GPAT2: variants seen among roughly 807,000 people sequenced by gnomAD.
The protein encoded by GPAT2 is glycerol-3-phosphate acyltransferase 2, mitochondrial.
A neutral mutation model predicts 71.0 loss-of-function variants in GPAT2; 51 were observed. That is an observed-to-expected ratio of 0.72 (90% confidence interval 0.57 to 0.91). GPAT2 has a LOEUF of 0.91. Ranked by LOEUF, GPAT2 falls within the 40% of genes least tolerant of loss-of-function variation. The pLI is 0.00. For missense variants in GPAT2, 511 were observed against 666.0 expected (o/e 0.77, Z 2.56); for synonymous variants, 222 against 290.3 (o/e 0.76, Z 2.39).
intron 20 of GPAT2, 35 bp downstream of exon 20, chr2:96,022,923 C>T (rs1679850465): frequency 6.2e-7 from 1 of 1,613,440 alleles, no homozygotes; most frequent in African/African-American, 1.3e-5. Context: ...AACACCACTG[C>T]CTGCAGGAGC....
chr2:96,025,653 G>T, intron 12 of GPAT2, 50 bp from the exon 13 acceptor site: 1 of 1,396,274 alleles, frequency 7.2e-7, no homozygotes. Flanking sequence ...CACAAAAACA[G>T]CTGTGGGAAT....
In GPAT2 at chr2:96,023,374, G is replaced by T. The variant is rs1474083273; in HGVS notation, c.1981C>A (p.Pro661Thr). 1 of 1,614,078 alleles carries T rather than the reference G, an allele frequency of 6.2e-7. No homozygotes were observed. Among genetic ancestry groups the T allele is most frequent in the African/African-American group, 1.3e-5 (1 of 74,942 alleles). The part of the protein sequence containing the change: ...QRLSRKLLWK[P>T]SGDFTDSDSD... The stretch of plus-strand genomic sequence containing the variant: ...TCACTATCAGTAAAGTCCCCACTCG[G>T]TTTCCACAGCAGCTTTCTGCTCAAT... Residue 661 changes from proline to threonine, a missense_variant, in exon 18 of 22, where the codon CCG (proline) becomes ACG (threonine). Transcript: ENST00000434632.
intron 21 of GPAT2, 127 bp downstream of exon 21, chr2:96,022,541 C>G (rs2104590517): frequency 1.9e-6 from 2 of 1,035,940 alleles, no homozygotes; most frequent in Non-Finnish European, 3.0e-6. Context: ...CAAGTAAATC[C>G]CAGGGTCTTA....
intron 11 of GPAT2, 78 bp downstream of exon 11, chr2:96,026,105 G>A: frequency 2.5e-6 from 4 of 1,571,688 alleles, no homozygotes; most frequent in Non-Finnish European, 3.5e-6. Context: ...TCCCTGCAGT[G>A]GCTTTGAGGG....
intron 20 of GPAT2, 102 bp from the exon 21 acceptor site, chr2:96,022,825 G>T (rs1679836838): frequency 1.2e-6 from 2 of 1,613,120 alleles, no homozygotes; most frequent in Non-Finnish European, 1.7e-6. Flanking sequence ...GAGGGATAGA[G>T]CTCTGACTGG....
chr2:96,022,112 T>C lies in GPAT2; in HGVS notation c.*47A>G. On this transcript the variant is annotated 3_prime_UTR_variant, in exon 22 of 22. Transcript: ENST00000434632. ...CCATCTTCTGGCTCTAGGACACAGC[T>C]GTGTTCTGGGGCTGAGAAGTCTCAG... 6.3e-7 allele frequency: 1 copy of C among 1,599,438 alleles called. No homozygotes were observed. Among genetic ancestry groups the C allele is most frequent in the East Asian group, 2.2e-5 (1 of 44,758 alleles).
In GPAT2 at chr2:96,023,304, C is replaced by T. The variant is rs750691037; in HGVS notation, c.2046+5G>A. 7 of 1,614,174 alleles carry T rather than the reference C, an allele frequency of 4.3e-6. No individual in the cohort carries two copies. ...TCCCTCCAGGGGCAGCTTTTTGAAA[C>T]ACACCCTGAAGTACCGGCCGTCAGC... On this transcript the variant is annotated splice_donor_5th_base_variant and intron_variant, in intron 18 of 21. Coordinates refer to ENST00000434632, the MANE Select transcript of GPAT2 (RefSeq NM_001321527.2).
Position 96,026,074 on chromosome 2 carries a change from C to T in GPAT2, c.1156-62G>A, listed in dbSNP as rs529741585. 2.3e-5 allele frequency: 36 copies of T among 1,592,626 alleles called. No homozygotes were observed. In the African/African-American group the frequency reaches 4.6e-4, roughly 20 times the overall value. On this transcript the variant is annotated intron_variant, in intron 11 of 21. Transcript: ENST00000434632. The stretch of plus-strand genomic sequence containing the variant: ...CCCACCAGGAAACTTGCACACAGCC[C>T]ACTGGAAGTAGGCAAAGCTATCCCT...
Position 96,024,821 on chromosome 2 carries a change from C to G in GPAT2, c.1380G>C (p.Val460=), listed in dbSNP as rs1372981676. Residue 460 remains valine (V), a synonymous_variant, in exon 14 of 22, where the codon GTG becomes GTC. Coordinates refer to ENST00000434632, the MANE Select transcript of GPAT2 (RefSeq NM_001321527.2). The stretch of plus-strand genomic sequence containing the variant: ...GCGTTGCCATAATGGCCGTGCTCAT[C>G]ACCGCAGAGCTCCCTACACTGGCTG... The part of the protein sequence containing the change: ...VLSASVGSSA[V]MSTAIMATLL... The G allele has an allele frequency of 6.2e-7, 1 of 1,613,408 alleles. No homozygotes were observed. The highest frequency in any genetic ancestry group is 8.5e-7 in the Non-Finnish European group (1 of 1,179,998).
intron 17 of GPAT2, 171 bp downstream of exon 17, chr2:96,023,752 G>A: frequency 8.1e-7 from 1 of 1,238,242 alleles, no homozygotes; most frequent in Non-Finnish European, 1.1e-6. Flanking sequence ...ATATCCCAAG[G>A]CACAGGGAGC....
chr2:96,025,903 T>C (rs763195017), intron 12 of GPAT2, 27 bp downstream of exon 12: 2 of 1,606,934 alleles, frequency 1.2e-6, no homozygotes, highest in Admixed American at 1.7e-5. Context: ...CCTTGCCCCC[T>C]GAGACCCCAC....
intron 12 of GPAT2, 140 bp downstream of exon 12, chr2:96,025,790 G>A (rs1439734093): frequency 7.7e-6 from 9 of 1,167,124 alleles, no homozygotes; most frequent in Admixed American, 4.0e-5. Context: ...TTGGCAAGGC[G>A]AGTACCTGGA....
In GPAT2 at chr2:96,023,430, G is replaced by C. The variant is rs11693649; in HGVS notation, c.1925C>G (p.Ser642Cys). The part of the protein sequence containing the change: ...GLLVAEETPG[S>C]RPACDTGRQR... ...TCGCCCTGTGTCACAGGCTGGCCGG[G>C]AGCCTGGGGTCTAGGGGCCGTGGAG... The change falls in exon 18 of 22, where the codon TCC becomes TGC. Residue 642 changes from serine (S) to cysteine (C), a missense_variant. Ser to Cys is a moderately radical substitution (Grantham distance 112). Transcript: ENST00000434632. 6.2e-7 allele frequency: 1 copy of C among 1,613,986 alleles called. No individual in the cohort carries two copies. The highest frequency in any genetic ancestry group is 8.5e-7 in the Non-Finnish European group (1 of 1,180,018).
Position 96,025,949 on chromosome 2 carries a change from G to C in GPAT2, c.1219C>G (p.Pro407Ala), listed in dbSNP as rs754714904. The change falls in exon 12 of 22, where the codon CCC becomes GCC. Residue 407 changes from proline (P) to alanine (A), a missense_variant. Transcript: ENST00000434632. Reference protein sequence around the residue: ...GRQTLEQLLQPIVLGQCTAVP... With the variant: ...GRQTLEQLLQAIVLGQCTAVP... ...CCCTACCATTGGCCCAGCACGATGG[G>C]CTGCAGTAGCTGCTCCAGGGTCTGT... 3 of 1,612,388 alleles carry C rather than the reference G, an allele frequency of 1.9e-6. No homozygotes were observed. The highest frequency in any genetic ancestry group is 1.7e-6 in the Non-Finnish European group (2 of 1,179,744).
chr2:96,025,863 A>G, intron 12 of GPAT2, 67 bp downstream of exon 12: 1 of 1,434,462 alleles, frequency 7.0e-7, no homozygotes, highest in South Asian at 1.1e-5. Flanking sequence ...TATATGGGGG[A>G]TACATAAGCT....
chr2:96,026,250 C>A lies in GPAT2; in HGVS notation c.1088G>T (p.Trp363Leu), dbSNP rs779927775. The change falls in exon 11 of 22, where the codon TGG (tryptophan) becomes TTG (leucine). Residue 363 changes from tryptophan (W) to leucine (L), a missense_variant. Transcript: ENST00000434632. ...TGALAVLRSLWSRWGCSHRIC... is the reference protein window; with the variant it reads ...TGALAVLRSLLSRWGCSHRIC... ...CCGGTGGCTGCAGCCCCAGCGGCTC[C>A]ACAAGCTACGTAGGACAGCCAGAGC... is the stretch of plus-strand genomic sequence containing the variant. 3.1e-6 allele frequency: 5 copies of A among 1,609,790 alleles called. No homozygotes were observed. The African/African-American group carries it at 5.3e-5, about 17-fold the overall frequency.
intron 20 of GPAT2, 72 bp downstream of exon 20, chr2:96,022,886 T>C: frequency 6.2e-7 from 1 of 1,612,764 alleles, no homozygotes; most frequent in East Asian, 2.2e-5. Context: ...GTTGTCACTG[T>C]CCTGCAGGGG....
At chr2:96,023,275 C>T (rs1416975297) in intron 18 of GPAT2, 34 bp downstream of exon 18, 4 of 1,613,918 alleles carry the variant, frequency 2.5e-6, no homozygotes, top group Non-Finnish European at 3.4e-6. Context: ...GCCTCCCTAC[C>T]ACCTCCCTCC....
chr2:96,025,441 T>C, intron 13 of GPAT2, 44 bp downstream of exon 13: 1 of 1,565,184 alleles, frequency 6.4e-7, no homozygotes, highest in African/African-American at 1.4e-5. Flanking sequence ...GAGGGGACGG[T>C]TCAGTGACCC....
Sources: gnomAD v4.1 joint callset for allele counts on GRCh38, gnomAD v4.1.1 for gene constraint, MANE v1.5 for transcripts, NCBI Gene and HGNC (gene_info 2026-07-23, HGNC 2026-07-21) for gene names.